The following CDK5RAP2 variants were observed in gnomAD, a reference collection of about 807,000 sequenced individuals.
CDK5RAP2 encodes CDK5 regulatory subunit-associated protein 2.
In CDK5RAP2, 147 loss-of-function variants were observed where a neutral mutation model predicts 232.9. The ratio of observed to expected loss-of-function variants is 0.63; its 90% CI spans 0.55 to 0.72. CDK5RAP2 has a LOEUF of 0.72. Among genes scored for constraint, CDK5RAP2 ranks in the 30% least tolerant of loss-of-function variants. CDK5RAP2 has a pLI of 0.00. For synonymous variants in CDK5RAP2, 833 were observed against 833.7 expected (o/e 1.00, Z 0.01); for missense variants, 2,195 against 2,231.5 (o/e 0.98, Z 0.33).
In CDK5RAP2 at chr9:120,413,807, CGAGGAGG is replaced by C. The variant is rs547383691; in HGVS notation, c.4297+1226_4297+1232del. 9.1e-3 allele frequency among the ~76,000 whole-genome samples: 1,015 copies of C among 111,968 alleles called. 5 individuals carry two copies. Among genetic ancestry groups the C allele is most frequent in the Non-Finnish European group, 0.012 (675 of 57,502 alleles). 73.5% of individuals were successfully genotyped at this position (111,968 alleles called of 152,430 possible). Reference sequence around the variant, plus strand: ...ATATGCAGGAAATGGGCGCAGTGAGCGAGGAGGGAGGAGGGAGGAGGGAGGAGGGAGG... The same window carrying C: ...ATATGCAGGAAATGGGCGCAGTGAGCGAGGAGGGAGGAGGGAGGAGGGAGG... On this transcript the variant is annotated intron_variant, in intron 28 of 37. Transcript: ENST00000349780.
At chr9:120,413,746 C>T (rs1258320179) in intron 28 of CDK5RAP2, among the ~76,000 whole-genome samples, 1 of 151,098 alleles carries the variant, frequency 6.6e-6, no homozygotes, top group African/African-American at 2.4e-5. Flanking sequence ...CAACTAATAA[C>T]TCAGATCAAT....
At chr9:120,440,891 G>A (rs1163435887) in intron 23 of CDK5RAP2, among the ~76,000 whole-genome samples, 1 of 152,178 alleles carries the variant, frequency 6.6e-6, no homozygotes, top group African/African-American at 2.4e-5. Context: ...TGGCTTCCAG[G>A]AGATGCCCTG....
At chr9:120,577,656 G>A (rs1353756471) in intron 1 of CDK5RAP2, among the ~76,000 whole-genome samples, 1 of 152,202 alleles carries the variant, frequency 6.6e-6, no homozygotes, top group Non-Finnish European at 1.5e-5. Context: ...GTTACTCTGG[G>A]TCAGACACTG....
At chr9:120,399,538 C>T (rs1191627862) in intron 35 of CDK5RAP2, among the ~76,000 whole-genome samples, 1 of 152,200 alleles carries the variant, frequency 6.6e-6, no homozygotes, top group African/African-American at 2.4e-5. Flanking sequence ...CTCTCTGACT[C>T]TGGGGTAATA....
chr9:120,473,902 T>C (rs984891749), intron 15 of CDK5RAP2, among the ~76,000 whole-genome samples: 4 of 152,198 alleles, frequency 2.6e-5, no homozygotes, highest in Non-Finnish European at 5.9e-5. Flanking sequence ...ATTTATGTTT[T>C]CCCAACTTGA....
chr9:120,496,946 A>G (rs1282662130), intron 12 of CDK5RAP2, among the ~76,000 whole-genome samples: 2 of 140,718 alleles, frequency 1.4e-5, no homozygotes, highest in African/African-American at 3.0e-5. Flanking sequence ...CAGGATGACA[A>G]TGGCGGCTTT....
rs76628072 is a variant in CDK5RAP2, at chr9:120,477,766, T to G, written c.1627-316A>C. On this transcript the variant is annotated intron_variant, in intron 14 of 37. Transcript: ENST00000349780. ...TGTCATCCCTCAGAGCTGCTGTTCA[T>G]CGTTTTTAAAACACTACAAAAAAAA... Among the ~76,000 whole-genome samples the G allele has an allele frequency of 6.1e-3, 930 of 152,324 alleles. 17 individuals carry two copies. The highest frequency in any genetic ancestry group is 0.021 in the African/African-American group (893 of 41,552).
chr9:120,417,204 C>T (rs1349739450), intron 27 of CDK5RAP2, among the ~76,000 whole-genome samples: 3 of 151,170 alleles, frequency 2.0e-5, no homozygotes, highest in East Asian at 1.9e-4. Context: ...ACTGCACCTC[C>T]GTGCTCCTTA....
intron 7 of CDK5RAP2, 66 bp from the exon 8 acceptor site, chr9:120,530,206 G>C: frequency 1.6e-6 from 2 of 1,220,664 alleles, no homozygotes; most frequent in Non-Finnish European, 2.4e-6. Context: ...AGCTGGAGGA[G>C]GAAGGAAATG....
intron 9 of CDK5RAP2, 63 bp from the exon 10 acceptor site, chr9:120,527,988 A>T: frequency 6.3e-7 from 1 of 1,594,730 alleles, no homozygotes; most frequent in African/African-American, 1.3e-5. Flanking sequence ...CACCATAAAT[A>T]TATCTTTAAG....
chr9:120,566,710 G>A (rs566879958), intron 3 of CDK5RAP2, among the ~76,000 whole-genome samples: 7 of 152,290 alleles, frequency 4.6e-5, no homozygotes, highest in East Asian at 3.9e-4. Flanking sequence ...TTAAGTGACC[G>A]GCCACAGGGC....
At chr9:120,433,200 A>G (rs938014072) in intron 25 of CDK5RAP2, among the ~76,000 whole-genome samples, 1 of 152,196 alleles carries the variant, frequency 6.6e-6, no homozygotes, top group Non-Finnish European at 1.5e-5. Flanking sequence ...TCTATTTTGT[A>G]CATATGAAGA....
chr9:120,490,137 T>C (rs942459610), intron 13 of CDK5RAP2, among the ~76,000 whole-genome samples: 1 of 152,164 alleles, frequency 6.6e-6, no homozygotes, highest in African/African-American at 2.4e-5. Flanking sequence ...TTCTCCTATT[T>C]GATAAACTCA....
chr9:120,576,337 G>C (rs1204142435), intron 1 of CDK5RAP2, among the ~76,000 whole-genome samples: 1 of 152,182 alleles, frequency 6.6e-6, no homozygotes, highest in East Asian at 1.9e-4. Context: ...TTTCTCCAAA[G>C]AAAGTGAACA....
At chr9:120,493,529 G>A (rs2039009067) in intron 12 of CDK5RAP2, among the ~76,000 whole-genome samples, 1 of 152,170 alleles carries the variant, frequency 6.6e-6, no homozygotes, top group African/African-American at 2.4e-5. Flanking sequence ...ATCACAAAAA[G>A]AGGGACTATC....
intron 34 of CDK5RAP2, chr9:120,401,104 T>C (rs2032969682): frequency 1.8e-6 from 1 of 566,044 alleles, no homozygotes; most frequent in Non-Finnish European, 3.1e-6. Flanking sequence ...TCAATAACCA[T>C]GATTAATAAC....
intron 7 of CDK5RAP2, among the ~76,000 whole-genome samples, chr9:120,535,400 C>T (rs772220880): frequency 4.1e-4 from 62 of 152,222 alleles, no homozygotes; most frequent in Non-Finnish European, 7.9e-4. Flanking sequence ...AGGAACCCGG[C>T]AGTTAGGCCA....
At chr9:120,504,047 A>G (rs1423490749) in intron 12 of CDK5RAP2, among the ~76,000 whole-genome samples, 1 of 152,170 alleles carries the variant, frequency 6.6e-6, no homozygotes, top group Admixed American at 6.5e-5. Flanking sequence ...TGCTATCCCC[A>G]GAGTTCTCAA....
chr9:120,546,790 C>T (rs2041858645), intron 4 of CDK5RAP2, among the ~76,000 whole-genome samples: 1 of 152,006 alleles, frequency 6.6e-6, no homozygotes, highest in Non-Finnish European at 1.5e-5. Context: ...TGCACTGCCA[C>T]ACCCGTCTTT....
Sources: gnomAD v4.1 joint callset for allele counts (sites outside exome capture counted in the v4.1 genomes callset) on GRCh38, gnomAD v4.1.1 for gene constraint, MANE v1.5 for transcripts, NCBI Gene and HGNC (gene_info 2026-07-23, HGNC 2026-07-21) for gene names.